Variants in KRT8 observed in about 807,000 individuals in gnomAD.
KRT8 encodes keratin 8.
Under a neutral mutation model 43.0 loss-of-function variants are expected in KRT8, and 24 were observed. The ratio of observed to expected loss-of-function variants is 0.56; its 90% CI spans 0.40 to 0.78. The LOEUF is 0.78. Ranked by LOEUF, KRT8 falls within the 30% of genes least tolerant of loss-of-function variation. The probability of loss-of-function intolerance (pLI) is 0.00; values close to 1 mark genes in which losing one functional copy is unlikely to be tolerated. For missense variants in KRT8, 492 were observed against 638.4 expected, an observed-to-expected ratio of 0.77 and a Z score of 2.47; for synonymous variants, 214 against 261.2, an observed-to-expected ratio of 0.82 and a Z score of 1.74.
upstream of KRT8, among the ~76,000 whole-genome samples, chr12:52,905,893 A>G (rs1231997427): frequency 6.6e-6 from 1 of 152,150 alleles, no homozygotes; most frequent in African/African-American, 2.4e-5. Context: ...GGAGTTCAAG[A>G]CAAGCCTGAC....
upstream of KRT8, among the ~76,000 whole-genome samples, chr12:52,907,398 C>G (rs1441138776): frequency 3.3e-5 from 5 of 152,140 alleles, no homozygotes; most frequent in Non-Finnish European, 5.9e-5. Context: ...CAGGCGCTCT[C>G]CCTATCTTCC....
intron 2 of KRT8, among the ~76,000 whole-genome samples, chr12:52,914,165 G>A (rs957013372): frequency 1.3e-5 from 2 of 152,098 alleles, no homozygotes; most frequent in African/African-American, 2.4e-5. Flanking sequence ...AAAGATTGCA[G>A]TGAGCCAAGA....
chr12:52,928,694 C>T (rs1337349982), intron 2 of KRT8, among the ~76,000 whole-genome samples: 1 of 152,182 alleles, frequency 6.6e-6, no homozygotes, highest in Non-Finnish European at 1.5e-5. Flanking sequence ...CACCTGACGT[C>T]AGGAGTTCGA....
chr12:52,935,797 C>T (rs951647074), intron 2 of KRT8, among the ~76,000 whole-genome samples: 8 of 151,874 alleles, frequency 5.3e-5, no homozygotes, highest in East Asian at 1.9e-4. Context: ...TGTGAACCAC[C>T]GTGCCCAGCC....
At chr12:52,926,346 A>AC (rs1433340406) in intron 2 of KRT8, 5 of 283,914 alleles carry the variant, frequency 1.8e-5, no homozygotes, top group African/African-American at 8.8e-5. Context: ...TCCCCACCCC[A>AC]CCCCCAGGAC....
intron 2 of KRT8, among the ~76,000 whole-genome samples, chr12:52,927,026 C>T (rs1164456159): frequency 2.0e-5 from 3 of 152,216 alleles, no homozygotes; most frequent in Non-Finnish European, 4.4e-5. Context: ...TATCTCCTCT[C>T]TCCCACATTG....
intron 2 of KRT8, among the ~76,000 whole-genome samples, chr12:52,934,176 T>A (rs1391635119): frequency 7.0e-6 from 1 of 142,352 alleles, no homozygotes; most frequent in Non-Finnish European, 1.5e-5. Context: ...TTGCAGTGAG[T>A]CGAGATTGTG....
exon 1 of KRT8, chr12:52,904,931 G>A: frequency 6.2e-7 from 1 of 1,612,356 alleles, no homozygotes; most frequent in Non-Finnish European, 8.5e-7. Flanking sequence ...TGAAGGCCCG[G>A]GGGCCAGAGG....
At chr12:52,932,973 T>C (rs1195104649) in intron 2 of KRT8, among the ~76,000 whole-genome samples, 1 of 152,220 alleles carries the variant, frequency 6.6e-6, no homozygotes, top group Admixed American at 6.5e-5. Flanking sequence ...AGATGAAGTC[T>C]TGCCCTGTCA....
exon 6 of KRT8, chr12:52,898,681 G>C (rs758983125): frequency 1.2e-6 from 2 of 1,614,194 alleles, no homozygotes; most frequent in Non-Finnish European, 1.7e-6. Flanking sequence ...ACACCCACCG[G>C]CTCTCCTCGC....
chr12:52,948,792 G>C, intron 2 of KRT8: 1 of 408,682 alleles, frequency 2.4e-6, no homozygotes, highest in East Asian at 3.6e-5. Context: ...GCCCGGTCAA[G>C]ACTCCCAAAT....
intron 4 of KRT8, 143 bp from the exon 5 acceptor site, chr12:52,900,208 T>G (rs1941332481): frequency 3.8e-6 from 3 of 782,484 alleles, no homozygotes; most frequent in Non-Finnish European, 6.1e-6. Context: ...GAGGGCAAAG[T>G]TCCTGAAAAA....
intron 1 of KRT8, among the ~76,000 whole-genome samples, chr12:52,902,687 C>G (rs1941403193): frequency 6.6e-6 from 1 of 151,758 alleles, no homozygotes; most frequent in African/African-American, 2.4e-5. Flanking sequence ...CGCGCCCGGC[C>G]AAAAATAGCC....
chr12:52,916,430 C>T (rs1233625228), intron 2 of KRT8, among the ~76,000 whole-genome samples: 2 of 152,222 alleles, frequency 1.3e-5, no homozygotes, highest in Non-Finnish European at 2.9e-5. Context: ...CTGCTGAACC[C>T]TAGCACCTTC....
chr12:52,941,361 T>C (rs1260696192), intron 2 of KRT8, among the ~76,000 whole-genome samples: 2 of 152,102 alleles, frequency 1.3e-5, no homozygotes, highest in Non-Finnish European at 2.9e-5. Context: ...GCAGGAGATA[T>C]GGTTCTGAGT....
chr12:52,921,696 C>T (rs1941889267), intron 2 of KRT8, among the ~76,000 whole-genome samples: 1 of 152,128 alleles, frequency 6.6e-6, no homozygotes, highest in Non-Finnish European at 1.5e-5. Flanking sequence ...CAGCCTGGAG[C>T]CTCTGATTGT....
At chr12:52,922,358 T>A (rs1038117521) in intron 2 of KRT8, among the ~76,000 whole-genome samples, 16 of 152,058 alleles carry the variant, frequency 1.1e-4, no homozygotes, top group Non-Finnish European at 4.4e-5. Context: ...TTTTTATAAC[T>A]GCATTTATTC....
At chr12:52,926,524 G>C in intron 2 of KRT8, 1 of 1,447,746 alleles carries the variant, frequency 6.9e-7, no homozygotes. Context: ...ACCTCTGCCG[G>C]AAGTGGCCAC....
At chr12:52,917,708 CAA>C (rs535303270) in intron 2 of KRT8, among the ~76,000 whole-genome samples, 7 of 29,950 alleles carry the variant, frequency 2.3e-4, no homozygotes, top group South Asian at 2.8e-3. Context: ...GACTCTGTCT[CAA>C]AAAAAAAAAA....
Sources: gnomAD v4.1 joint callset for allele counts (sites outside exome capture counted in the v4.1 genomes callset) on GRCh38, gnomAD v4.1.1 for gene constraint, MANE v1.5 for transcripts, NCBI Gene and HGNC (gene_info 2026-07-23, HGNC 2026-07-21) for gene names.